Variants in GNG4 observed in about 807,000 individuals in gnomAD.
GNG4 encodes guanine nucleotide-binding protein G(I)/G(S)/G(O) subunit gamma-4.
Under a neutral mutation model 5.8 loss-of-function variants are expected in GNG4, and 4 were observed. The observed-to-expected ratio is 0.69, with a 90% CI of 0.34 to 1.57. GNG4 has a LOEUF of 1.57. Among genes scored for constraint, GNG4 ranks in the 40% most tolerant of loss-of-function variants. The pLI is 0.06. For missense variants in GNG4, 96 were observed against 95.1 expected (o/e 1.01, Z -0.04); for synonymous variants, 29 against 32.9 (o/e 0.88, Z 0.41).
intron 3 of GNG4, among the ~76,000 whole-genome samples, chr1:235,559,737 G>T (rs1339838770): frequency 6.6e-6 from 1 of 152,208 alleles, no homozygotes; most frequent in African/African-American, 2.4e-5. Context: ...AACAGAGTCC[G>T]TCTCTGAACC....
At chr1:235,582,261 C>T (rs992517349) in intron 3 of GNG4, among the ~76,000 whole-genome samples, 2 of 152,240 alleles carry the variant, frequency 1.3e-5, no homozygotes, top group African/African-American at 4.8e-5. Context: ...CACCTGTCAC[C>T]TCATGGCTGT....
chr1:235,603,722 C>T (rs1028425754), intron 1 of GNG4, among the ~76,000 whole-genome samples: 26 of 152,120 alleles, frequency 1.7e-4, no homozygotes, highest in African/African-American at 5.8e-4. Flanking sequence ...TCCAGGGATT[C>T]GAAGCTTTGG....
chr1:235,626,745 G>A (rs536332066), intron 1 of GNG4, among the ~76,000 whole-genome samples: 161 of 152,182 alleles, frequency 1.1e-3, no homozygotes, highest in Admixed American at 2.1e-3. Context: ...GATCACCTGA[G>A]GTCAGGAGTT....
In GNG4 at chr1:235,616,841, C is replaced by T. The variant is rs574615772; in HGVS notation, c.-122-21330G>A. ...GAAACCTCCACCTTCCAGGTTCAAG[C>T]GATTCTCCTGCCTCAGCCTCCCCAG... On this transcript the variant is annotated intron_variant, in intron 1 of 3. Coordinates refer to ENST00000391854, the MANE Select transcript of GNG4 (RefSeq NM_001098722.2). 3.9e-5 allele frequency among the ~76,000 whole-genome samples: 6 copies of T among 151,966 alleles called. No individual in the cohort carries two copies. The East Asian group carries it at 5.8e-4, about 15-fold the overall frequency.
chr1:235,590,729 T>C (rs985861646), intron 2 of GNG4, among the ~76,000 whole-genome samples: 3 of 152,178 alleles, frequency 2.0e-5, no homozygotes, highest in Non-Finnish European at 2.9e-5. Context: ...CCCAGCACTG[T>C]GGCCCTGCAC....
intron 3 of GNG4, among the ~76,000 whole-genome samples, chr1:235,561,351 T>G (rs986052956): frequency 1.3e-5 from 2 of 152,006 alleles, no homozygotes; most frequent in African/African-American, 2.4e-5. Context: ...TTCTCATTGT[T>G]GTGTTTTAAG....
intron 1 of GNG4, among the ~76,000 whole-genome samples, chr1:235,611,210 C>G (rs914264943): frequency 6.6e-6 from 1 of 151,778 alleles, no homozygotes; most frequent in Non-Finnish European, 1.5e-5. Context: ...CTCCGTCACC[C>G]AGGCTGGAGT....
At chr1:235,581,953 G>A (rs1034484179) in intron 3 of GNG4, among the ~76,000 whole-genome samples, 2 of 152,172 alleles carry the variant, frequency 1.3e-5, no homozygotes, top group Non-Finnish European at 2.9e-5. Flanking sequence ...AGAAGAGAAC[G>A]CCTGGGCAAA....
intron 1 of GNG4, among the ~76,000 whole-genome samples, chr1:235,608,307 A>T (rs1412434916): frequency 2.0e-5 from 3 of 152,106 alleles, no homozygotes; most frequent in Non-Finnish European, 2.9e-5. Flanking sequence ...TTTCCTTTTT[A>T]AAAAAATACC....
intron 1 of GNG4, among the ~76,000 whole-genome samples, chr1:235,610,859 C>T (rs553909454): frequency 2.0e-5 from 3 of 152,120 alleles, no homozygotes; most frequent in Non-Finnish European, 4.4e-5. Flanking sequence ...CTGAGGAGGG[C>T]GGATCACCTG....
intron 3 of GNG4, among the ~76,000 whole-genome samples, chr1:235,578,329 G>T (rs113195579): frequency 0.014 from 2,192 of 152,264 alleles, 55 homozygotes; most frequent in African/African-American, 0.05. Flanking sequence ...CCATTGGTGG[G>T]AATTAAATTT....
At chr1:235,574,723 T>A (rs918146914) in intron 3 of GNG4, among the ~76,000 whole-genome samples, 3 of 148,834 alleles carry the variant, frequency 2.0e-5, no homozygotes, top group African/African-American at 7.3e-5. Context: ...TATACCCTTT[T>A]AAAAAATAGC....
At chr1:235,593,978 T>C (rs908001160) in intron 2 of GNG4, among the ~76,000 whole-genome samples, 1 of 152,180 alleles carries the variant, frequency 6.6e-6, no homozygotes, top group African/African-American at 2.4e-5. Flanking sequence ...TTCTCTAATC[T>C]GGCCCCACCT....
In GNG4 at chr1:235,642,012, G is replaced by A. The variant is rs965074654; in HGVS notation, c.-123+7650C>T. 6.6e-6 allele frequency among the ~76,000 whole-genome samples: 1 copy of A among 152,210 alleles called. No homozygotes were observed. Among genetic ancestry groups the A allele is most frequent in the Non-Finnish European group, 1.5e-5 (1 of 68,030 alleles). ...GTAACAGAACTTCCATGAGGGCGGGGATTTTTCGCTTCCCCCGCAACTGCC... is the reference window on the plus strand; with the variant it reads ...GTAACAGAACTTCCATGAGGGCGGGAATTTTTCGCTTCCCCCGCAACTGCC... On this transcript the variant is annotated intron_variant, in intron 1 of 3. Coordinates refer to ENST00000391854, the MANE Select transcript of GNG4 (RefSeq NM_001098722.2). This position sits in a 1 kb window ranked among gnomAD's most constrained non-coding sequence, Gnocchi z 4.3.
chr1:235,624,601 G>C (rs982977342), intron 1 of GNG4, among the ~76,000 whole-genome samples: 1 of 152,046 alleles, frequency 6.6e-6, no homozygotes, highest in Admixed American at 6.5e-5. Flanking sequence ...ACCATTCCTC[G>C]GGCAAACCAT....
rs1188430659 is a variant in GNG4, at chr1:235,619,176, T to TATAC, written c.-122-23666_-122-23665insGTAT. ...AAAAAAATTTATATATATATATATA[T>TATAC]ACACACACATATATATACACACACA... is the stretch of plus-strand genomic sequence containing the variant. On this transcript the variant is annotated intron_variant, in intron 1 of 3. Transcript: ENST00000391854. Among the ~76,000 whole-genome samples the TATAC allele has an allele frequency of 5.4e-5, 6 of 110,372 alleles. No homozygotes were observed. The East Asian group carries it at 7.0e-4, about 13-fold the overall frequency. 72.4% of individuals were successfully genotyped at this position (110,372 alleles called of 152,430 possible). A position where few individuals can be genotyped will look rare whatever the true frequency, so the allele number is the denominator to read the frequency against.
chr1:235,643,020 C>A (rs553422825), intron 1 of GNG4, among the ~76,000 whole-genome samples: 1 of 152,304 alleles, frequency 6.6e-6, no homozygotes, highest in South Asian at 2.1e-4. Flanking sequence ...CAGACGGCCA[C>A]CCCGACTGAC....
chr1:235,587,731 A>G (rs1348294557), intron 2 of GNG4, among the ~76,000 whole-genome samples: 1 of 81,712 alleles, frequency 1.2e-5, no homozygotes, highest in African/African-American at 5.0e-5. Flanking sequence ...GGTGTGGGTC[A>G]GGGTTCAGGG....
intron 3 of GNG4, among the ~76,000 whole-genome samples, chr1:235,575,044 C>T (rs1326746524): frequency 2.0e-5 from 3 of 152,088 alleles, no homozygotes; most frequent in African/African-American, 4.8e-5. Context: ...AGGCTAGTCT[C>T]GAACTCCTGA....
Sources: gnomAD v4.1 joint callset for allele counts (sites outside exome capture counted in the v4.1 genomes callset) on GRCh38, gnomAD v4.1.1 for gene constraint, Gnocchi (gnomAD v3.1) non-coding constraint, MANE v1.5 for transcripts, NCBI Gene and HGNC (gene_info 2026-07-23, HGNC 2026-07-21) for gene names.